ALB: variants seen among roughly 807,000 people sequenced by gnomAD.
ALB encodes serum albumin.
Under a neutral mutation model 74.5 loss-of-function variants are expected in ALB, and 37 were observed. The observed-to-expected ratio is 0.50, with a 90% CI of 0.38 to 0.65. ALB has a LOEUF of 0.65. ALB is among the 30% of genes least tolerant of loss of function. ALB has a pLI of 0.00. For synonymous variants in ALB, 249 were observed against 251.6 expected (o/e 0.99, Z 0.10); for missense variants, 685 against 718.7 (o/e 0.95, Z 0.54).
At chr4:73,406,550 A>G (rs1718734522) in intron 2 of ALB, 79 bp from the exon 3 acceptor site, 17 of 1,353,110 alleles carry the variant, frequency 1.3e-5, no homozygotes, top group East Asian at 2.3e-5. Context: ...ATACCCATAC[A>G]TGATTTGTTC....
chr4:73,412,289 T>TAGCAG, intron 7 of ALB, 164 bp downstream of exon 7: 1 of 866,506 alleles, frequency 1.2e-6, no homozygotes. Flanking sequence ...GGTACCTTTC[T>TAGCAG]GTTTTTAACC....
Position 73,415,179 on chromosome 4 carries a change from G to C in ALB, c.1191+12G>C. 1 of 1,613,910 alleles carries C rather than the reference G, an allele frequency of 6.2e-7. No individual in the cohort carries two copies. The highest frequency in any genetic ancestry group is 8.5e-7 in the Non-Finnish European group (1 of 1,179,924). On this transcript the variant is annotated intron_variant, in intron 9 of 14. Transcript: ENST00000295897. ...GCTATGCCAAAGTGGTAGGTTTATTGTTGGAAAAAAATGTAGTTCTTTGAC... is the reference window on the plus strand; with the variant it reads ...GCTATGCCAAAGTGGTAGGTTTATTCTTGGAAAAAAATGTAGTTCTTTGAC...
intron 12 of ALB, chr4:73,419,280 G>A (rs1311988124): frequency 7.3e-6 from 4 of 545,864 alleles, no homozygotes; most frequent in African/African-American, 5.7e-5. Context: ...GATTGTTTCA[G>A]TTGGTCTTCC....
At chr4:73,412,337 G>A (rs1045157563) in intron 7 of ALB, 9 of 609,292 alleles carry the variant, frequency 1.5e-5, no homozygotes, top group South Asian at 1.8e-5. Flanking sequence ...TCACTGATTT[G>A]TAACTCCTTT....
intron 12 of ALB, 97 bp downstream of exon 12, chr4:73,418,408 C>T: frequency 3.7e-6 from 4 of 1,087,424 alleles, no homozygotes; most frequent in African/African-American, 1.6e-5. Context: ...GATTATATTT[C>T]TTAGAGGAAA....
rs1189652040 is a variant in ALB at position 73,410,940 on chromosome 4, A to C, written c.713+531A>C. Among the ~76,000 whole-genome samples, 3 of 152,252 alleles carry C rather than the reference A, an allele frequency of 2.0e-5. No homozygotes were observed. The East Asian group carries it at 5.8e-4, about 29-fold the overall frequency. On this transcript the variant is annotated intron_variant, in intron 6 of 14. Coordinates refer to ENST00000295897, the MANE Select transcript of ALB (RefSeq NM_000477.7). ...TATAGTTAAATTCAGTCACCAACTA[A>C]GTTGAAGTTACTTCTTATTTTTGCA...
intron 8 of ALB, among the ~76,000 whole-genome samples, chr4:73,414,471 T>C (rs191993623): frequency 8.0e-4 from 122 of 152,264 alleles, no homozygotes; most frequent in African/African-American, 2.7e-3. Context: ...ACAGATACTA[T>C]TTATTTTTTG....
Position 73,418,293 on chromosome 4 carries a change from G to A in ALB, c.1634G>A (p.Arg545Lys), listed in dbSNP as rs774108516. 2 of 1,613,458 alleles carry A rather than the reference G, an allele frequency of 1.2e-6. No individual in the cohort carries two copies. The highest frequency in any genetic ancestry group is 1.7e-6 in the Non-Finnish European group (2 of 1,179,636). Residue 545 changes from arginine (R) to lysine (K), a missense_variant, in exon 12 of 15, where the codon AGA (arginine) becomes AAA (lysine). Coordinates refer to ENST00000295897, the MANE Select transcript of ALB (RefSeq NM_000477.7). ...ADICTLSEKERQIKKQTALVE... is the reference protein window; with the variant it reads ...ADICTLSEKEKQIKKQTALVE... The stretch of plus-strand genomic sequence containing the variant: ...ATATGCACACTTTCTGAGAAGGAGA[G>A]ACAAATCAAGAAACAAACGTGAGGA...
At chr4:73,405,818 G>T (rs953095898) in intron 2 of ALB, among the ~76,000 whole-genome samples, 1 of 152,068 alleles carries the variant, frequency 6.6e-6, no homozygotes, top group African/African-American at 2.4e-5. Flanking sequence ...TCAATCTCCT[G>T]ACATCGTGAT....
In ALB at chr4:73,408,774, T is replaced by G; in HGVS notation, c.451T>G (p.Phe151Val). Residue 151 changes from phenylalanine to valine, a missense_variant, in exon 4 of 15, where the codon TTT becomes GTT. By Grantham distance (50) the Phe-to-Val change is conservative. Transcript: ENST00000295897. Reference sequence around the variant, plus strand: ...AGAGGTTGATGTGATGTGCACTGCTTTTCATGACAATGAAGAGACATTTTT... The same window carrying G: ...AGAGGTTGATGTGATGTGCACTGCTGTTCATGACAATGAAGAGACATTTTT... The part of the protein sequence containing the change: ...RPEVDVMCTA[F>V]HDNEETFLKK... 6.2e-7 allele frequency: 1 copy of G among 1,613,892 alleles called. No homozygotes were observed. Among genetic ancestry groups the G allele is most frequent in the Non-Finnish European group, 8.5e-7 (1 of 1,179,814 alleles).
At chr4:73,407,916 G>A (rs2149327299) in intron 3 of ALB, among the ~76,000 whole-genome samples, 1 of 152,096 alleles carries the variant, frequency 6.6e-6, no homozygotes, top group Admixed American at 6.6e-5. Context: ...GCAGAGTCAG[G>A]ACTTTAACTT....
chr4:73,413,487 A>G lies in ALB; in HGVS notation c.911A>G (p.Glu304Gly). 6.2e-7 allele frequency: 1 copy of G among 1,614,200 alleles called. No individual in the cohort carries two copies. The highest frequency in any genetic ancestry group is 8.5e-7 in the Non-Finnish European group (1 of 1,180,022). The change falls in exon 8 of 15, where the codon GAA (glutamate) becomes GGA (glycine). Residue 304 changes from glutamate to glycine, a missense_variant. Glu to Gly is a moderately conservative substitution (Grantham distance 98). Coordinates refer to ENST00000295897, the MANE Select transcript of ALB (RefSeq NM_000477.7). ...SISSKLKECC[E>G]KPLLEKSHCI... ...TCCAGTAAACTGAAGGAATGCTGTG[A>G]AAAACCTCTGTTGGAAAAATCCCAC... is the stretch of plus-strand genomic sequence containing the variant.
Position 73,405,171 on chromosome 4 carries a change from C to T in ALB, c.135C>T (p.Ala45=). 2.5e-6 allele frequency: 4 copies of T among 1,608,932 alleles called. No individual in the cohort carries two copies. The highest frequency in any genetic ancestry group is 1.3e-5 in the African/African-American group (1 of 74,862). The change falls in exon 2 of 15, where the codon GCC becomes GCT. Residue 45 remains alanine (A), a splice_region_variant and synonymous_variant. Coordinates refer to ENST00000295897, the MANE Select transcript of ALB (RefSeq NM_000477.7). ...FKDLGEENFK[A]LVLIAFAQYL... is the part of the protein sequence containing the mutation. ...ATTTGGGAGAAGAAAATTTCAAAGC[C>T]TTGTAAGTTAAAATATTGATGAATC...
Position 73,418,422 on chromosome 4 carries a change from T to C in ALB, c.1652+111T>C, listed in dbSNP as rs1719072194. 5 of 949,984 alleles carry C rather than the reference T, an allele frequency of 5.3e-6. No homozygotes were observed. The East Asian group carries it at 1.0e-4, about 20-fold the overall frequency. 58.8% of individuals were successfully genotyped at this position (949,984 alleles called of 1,614,324 possible). A position where few individuals can be genotyped will look rare whatever the true frequency, so the allele number is the denominator to read the frequency against. On this transcript the variant is annotated intron_variant, in intron 12 of 14. Transcript: ENST00000295897. ...TGATTATATTTCTTAGAGGAAAGTA[T>C]TGGAGTGTTGCCCTTATTATGCTGA...
intron 12 of ALB, 152 bp downstream of exon 12, chr4:73,418,463 T>A: frequency 1.4e-6 from 1 of 705,540 alleles, no homozygotes; most frequent in South Asian, 1.7e-5. Context: ...GTACCCAGAA[T>A]AAAATGAATA....
chr4:73,414,158 T>C (rs1718952461), intron 8 of ALB, among the ~76,000 whole-genome samples: 2 of 152,208 alleles, frequency 1.3e-5, no homozygotes, highest in African/African-American at 4.8e-5. Context: ...AAATAAATGT[T>C]TACATATTGT....
At position 73,420,329 on chromosome 4, in the gene ALB, T is replaced by A; in HGVS notation, c.*23+8T>A. 6.3e-7 allele frequency: 1 copy of A among 1,579,672 alleles called. No individual in the cohort carries two copies. Among genetic ancestry groups the A allele is most frequent in the Non-Finnish European group, 8.7e-7 (1 of 1,153,276 alleles). ...CATTTAAAAGCATCTCAGGTAACTA[T>A]ATTTTGAATTTTTTAAAAAAGTAAC... On this transcript the variant is annotated splice_region_variant and intron_variant, in intron 14 of 14. Coordinates refer to ENST00000295897, the MANE Select transcript of ALB (RefSeq NM_000477.7).
chr4:73,419,389 C>A, intron 12 of ALB, 118 bp from the exon 13 acceptor site: 1 of 1,193,724 alleles, frequency 8.4e-7, no homozygotes, highest in South Asian at 1.5e-5. Flanking sequence ...CTCAGAGTTG[C>A]CTGGCTCCAA....
At chr4:73,416,487 A>G (rs1719018163) in intron 10 of ALB, 134 bp downstream of exon 10, 1 of 720,978 alleles carries the variant, frequency 1.4e-6, no homozygotes, top group Middle Eastern at 3.9e-4. Context: ...GTCAAGAAAG[A>G]TAGGAGAGGA....
Sources: gnomAD v4.1 joint callset for allele counts (sites outside exome capture counted in the v4.1 genomes callset) on GRCh38, gnomAD v4.1.1 for gene constraint, MANE v1.5 for transcripts, NCBI Gene and HGNC (gene_info 2026-07-23, HGNC 2026-07-21) for gene names.